The following PPP1R14B variants were observed in gnomAD, a reference collection of about 807,000 sequenced individuals.
PPP1R14B encodes protein phosphatase 1 regulatory inhibitor subunit 14B.
In PPP1R14B, 4 loss-of-function variants were observed where a neutral mutation model predicts 14.7. The observed-to-expected ratio is 0.27, with a 90% confidence interval of 0.13 to 0.62. The LOEUF (loss-of-function observed/expected upper bound fraction) is 0.62, where lower values mean the gene tolerates loss of function less well. Among genes scored for constraint, PPP1R14B ranks in the 20% least tolerant of loss-of-function variants. The pLI is 0.85. For synonymous variants in PPP1R14B, 76 were observed against 87.3 expected, an observed-to-expected ratio of 0.87 and a Z score of 0.72; for missense variants, 138 against 201.5, an observed-to-expected ratio of 0.68 and a Z score of 1.91.
chr11:64,246,900 G>GGCCGCCGCCCGAGCTGCA lies in PPP1R14B; in HGVS notation c.-245_-228dup, dbSNP rs2030903018. 2.0e-5 allele frequency: 3 copies of GGCCGCCGCCCGAGCTGCA among 150,726 alleles called. No homozygotes were observed. Among genetic ancestry groups the GGCCGCCGCCCGAGCTGCA allele is most frequent in the East Asian group, 5.4e-4 (2 of 3,692 alleles). The allele number at this position is 150,726 out of a possible 1,614,324, so 9.3% of individuals were successfully genotyped here. ...GATCCGCCCGCCCTTTGTCCCCCGC[G>GGCCGCCGCCCGAGCTGCA]GCCGCCGCCCGAGCTGCAGCCGCCG... On this transcript the variant is annotated 5_prime_UTR_variant, in exon 1 of 4. Coordinates refer to ENST00000309318, the MANE Select transcript of PPP1R14B (RefSeq NM_138689.3).
At chr11:64,246,357 C>T in intron 1 of PPP1R14B, 59 bp downstream of exon 1, 3 of 1,550,878 alleles carry the variant, frequency 1.9e-6, no homozygotes, top group Non-Finnish European at 2.6e-6. Flanking sequence ...CACAGTGGAG[C>T]TGCCAGGCGG....
chr11:64,246,598 G>C lies in PPP1R14B; in HGVS notation c.76C>G (p.Pro26Ala), dbSNP rs757352214. 3.2e-6 allele frequency: 5 copies of C among 1,539,136 alleles called. No individual in the cohort carries two copies. The African/African-American group carries it at 4.2e-5, about 13-fold the overall frequency. Reference protein sequence around the residue: ...APGPGSGGPGPRVYFQSPPGA... With the variant: ...APGPGSGGPGARVYFQSPPGA... ...GGGGGGCTCTGAAAGTAGACGCGTG[G>C]TCCTGGGCCGCCACTGCCCGGCCCG... The change falls in exon 1 of 4, where the codon CCA (proline) becomes GCA (alanine). Residue 26 changes from proline to alanine, a missense_variant. Pro to Ala is a conservative substitution (Grantham distance 27). Around this residue, in one of 3 missense-constraint regions of PPP1R14B, gnomAD observed 22 missense variants for 45.9 expected, o/e 0.48. Transcript: ENST00000309318.
In PPP1R14B at chr11:64,244,957, C is replaced by T. The variant is rs747008480; in HGVS notation, c.348G>A (p.Leu116=). 1 of 1,611,756 alleles carries T rather than the reference C, an allele frequency of 6.2e-7. No homozygotes were observed. The highest frequency in any genetic ancestry group is 8.5e-7 in the Non-Finnish European group (1 of 1,178,424). ...DDARAARVKE[L]LVDCYKPTEA... ...CTGTGGGTTTGTAACAGTCAACCAG[C>T]AGCTCCTAGCAGAGGATGGGGGAGG... Residue 116 remains leucine, a synonymous_variant, in exon 3 of 4, where the codon CTG becomes CTA. Transcript: ENST00000309318.
intron 1 of PPP1R14B, 92 bp from the exon 2 acceptor site, chr11:64,245,379 C>T (rs1274728538): frequency 9.6e-6 from 10 of 1,036,410 alleles, no homozygotes; most frequent in South Asian, 2.9e-5. Flanking sequence ...CTGCCTACCT[C>T]GGAGGAACCC....
At chr11:64,246,175 C>G in intron 1 of PPP1R14B, 4 of 565,810 alleles carry the variant, frequency 7.1e-6, no homozygotes, top group South Asian at 6.5e-5. Context: ...GTCTGGAGGA[C>G]ACTAGGCTTG....
In PPP1R14B at chr11:64,246,647, G is replaced by GC; in HGVS notation, c.26dup (p.Ala10ArgfsTer38). ...CGGGGGCCGGGGCCGCCAACGCCGC[G>GC]CCCCCCGCGGTGCCGCTGTCCGCCA... On this transcript the variant is annotated frameshift_variant, in exon 1 of 4. Coordinates refer to ENST00000309318, the MANE Select transcript of PPP1R14B (RefSeq NM_138689.3). LOFTEE classifies it high-confidence loss of function. The GC allele has an allele frequency of 2.4e-6, 3 of 1,242,028 alleles. No individual in the cohort carries two copies. The highest frequency in any genetic ancestry group is 2.0e-6 in the Non-Finnish European group (2 of 987,814). 76.9% of individuals were successfully genotyped at this position (1,242,028 alleles called of 1,614,324 possible).
intron 1 of PPP1R14B, 191 bp from the exon 2 acceptor site, chr11:64,245,478 G>GGGGT (rs2030841790): frequency 8.2e-4 from 1 of 1,218 alleles, no homozygotes; most frequent in Non-Finnish European, 0.045. Context: ...AAAGCGGGGT[G>GGGGT]GGGGGGGGAG....
rs1163571556 is a variant in PPP1R14B, at chr11:64,244,545, A to C, written c.*209T>G. On this transcript the variant is annotated 3_prime_UTR_variant, in exon 4 of 4. Coordinates refer to ENST00000309318, the MANE Select transcript of PPP1R14B (RefSeq NM_138689.3). ...CGCGCCGCAGAGTCAATATAAAAAC[A>C]CAAAAAGTCCCATCAGTTTAATAAC... 7 of 1,327,708 alleles carry C rather than the reference A, an allele frequency of 5.3e-6. No individual in the cohort carries two copies. The East Asian group carries it at 1.5e-4, about 29-fold the overall frequency. The allele number at this position is 1,327,708 out of a possible 1,614,324, so 82.2% of individuals were successfully genotyped here.
rs2030829982 is a variant in PPP1R14B at position 64,245,267 on chromosome 11, C to G, written c.279G>C (p.Leu93=). The stretch of plus-strand genomic sequence containing the variant: ...CCAGGAGCTCATCCACGTCAATCTC[C>G]AGTTCTGGGATCTCCTCTTCCTGGG... ...YDCQEEEIPE[L]EIDVDELLDM... Residue 93 remains leucine (L), a synonymous_variant, in exon 2 of 4, where the codon CTG becomes CTC. Transcript: ENST00000309318. 6.2e-7 allele frequency: 1 copy of G among 1,610,124 alleles called. No homozygotes were observed. Among genetic ancestry groups the G allele is most frequent in the African/African-American group, 1.3e-5 (1 of 74,654 alleles).
In PPP1R14B at chr11:64,245,187, C is replaced by T. The variant is rs375259860; in HGVS notation, c.342+17G>A. ...GGGCAGTGCCTCAGGCAACCCATCG[C>T]CCCCCAGCCCCCTCACCTTGACCCT... On this transcript the variant is annotated intron_variant, in intron 2 of 3. Coordinates refer to ENST00000309318, the MANE Select transcript of PPP1R14B (RefSeq NM_138689.3). The T allele has an allele frequency of 1.9e-6, 3 of 1,610,190 alleles. No homozygotes were observed. Among genetic ancestry groups the T allele is most frequent in the Non-Finnish European group, 2.5e-6 (3 of 1,177,760 alleles).
chr11:64,246,749 C>G lies in PPP1R14B; in HGVS notation c.-76G>C. On this transcript the variant is annotated 5_prime_UTR_variant, in exon 1 of 4. Transcript: ENST00000309318. ...CCTCCGGGACGCCCGCCGGCTGGCTCGGGTTAGCTCGCCGGCTCCGCTCCG... is the reference window on the plus strand; with the variant it reads ...CCTCCGGGACGCCCGCCGGCTGGCTGGGGTTAGCTCGCCGGCTCCGCTCCG... 1.0e-6 allele frequency: 1 copy of G among 985,262 alleles called. No homozygotes were observed. Among genetic ancestry groups the G allele is most frequent in the Non-Finnish European group, 1.2e-6 (1 of 830,560 alleles). 61.0% of individuals were successfully genotyped at this position (985,262 alleles called of 1,614,324 possible).
At position 64,246,234 on chromosome 11, in the gene PPP1R14B, G is replaced by A. The variant is rs1396585288; in HGVS notation, c.258+182C>T. On this transcript the variant is annotated intron_variant, in intron 1 of 3. Transcript: ENST00000309318. ...GGCAGGGTCCGAGGCAACGGAGAAG[G>A]CAGAAGTGACTTAGGTCAGGCAAGA... 13 of 797,616 alleles carry A rather than the reference G, an allele frequency of 1.6e-5. 1 individual carries two copies. The South Asian group carries it at 2.2e-4, about 14-fold the overall frequency. 49.4% of individuals were successfully genotyped at this position (797,616 alleles called of 1,614,324 possible).
Position 64,244,736 on chromosome 11 carries a change from C to T in PPP1R14B, c.*18G>A. 4 of 1,611,994 alleles carry T rather than the reference C, an allele frequency of 2.5e-6. No homozygotes were observed. The East Asian group carries it at 8.9e-5, about 36-fold the overall frequency. ...CGATTGTCCTGTGGGAGCCACCGTT[C>T]TCCTGGGTCGGGGACCGTCACTTCT... On this transcript the variant is annotated 3_prime_UTR_variant, in exon 4 of 4. Coordinates refer to ENST00000309318, the MANE Select transcript of PPP1R14B (RefSeq NM_138689.3).
At chr11:64,246,317 G>A (rs889541906) in intron 1 of PPP1R14B, 99 bp downstream of exon 1, 1 of 1,486,134 alleles carries the variant, frequency 6.7e-7, no homozygotes, top group Non-Finnish European at 9.1e-7. Flanking sequence ...GGGAAGCAAA[G>A]CGCCCTTTGA....
chr11:64,244,522 C>T lies in PPP1R14B; in HGVS notation c.*232G>A, dbSNP rs3193834. On this transcript the variant is annotated 3_prime_UTR_variant, in exon 4 of 4. Transcript: ENST00000309318. ...TATCCTAGCTTTATTAAAGGGCCCG[C>T]GCCGCAGAGTCAATATAAAAACACA... 1.4e-4 allele frequency: 182 copies of T among 1,256,846 alleles called. 1 individual carries two copies. The highest frequency in any genetic ancestry group is 8.6e-4 in the Middle Eastern group (3 of 3,498). 77.9% of individuals were successfully genotyped at this position (1,256,846 alleles called of 1,614,324 possible).
At chr11:64,245,397 T>G (rs962085779) in intron 1 of PPP1R14B, 110 bp from the exon 2 acceptor site, 4 of 838,256 alleles carry the variant, frequency 4.8e-6, no homozygotes, top group East Asian at 2.8e-5. Context: ...CCCAGCCCTC[T>G]GCCCAGCAGA....
intron 2 of PPP1R14B, 67 bp from the exon 3 acceptor site, chr11:64,245,029 C>G: frequency 6.6e-7 from 1 of 1,518,796 alleles, no homozygotes; most frequent in Non-Finnish European, 9.0e-7. Context: ...CTCGCCTATA[C>G]CCACTTCCAA....
intron 1 of PPP1R14B, chr11:64,245,746 G>A (rs2030853903): frequency 6.1e-6 from 1 of 164,772 alleles, no homozygotes; most frequent in African/African-American, 2.4e-5. Flanking sequence ...TGGCAAAGAG[G>A]AAACAAAGAG....
At position 64,245,467 on chromosome 11, in the gene PPP1R14B, CA is replaced by C; in HGVS notation, c.259-181del. 8.5e-6 allele frequency: 3 copies of C among 354,088 alleles called. No individual in the cohort carries two copies. In the South Asian group the frequency reaches 1.1e-4, roughly 14 times the overall value. 21.9% of individuals were successfully genotyped at this position (354,088 alleles called of 1,614,324 possible). ...CAGGCCCGTGCCAAGGCAAACTGCC[CA>C]AAGCGGGGTGGGGGGGGGAGCTTCC... is the stretch of plus-strand genomic sequence containing the variant. On this transcript the variant is annotated intron_variant, in intron 1 of 3. Coordinates refer to ENST00000309318, the MANE Select transcript of PPP1R14B (RefSeq NM_138689.3).
Sources: allele counts gnomAD v4.1 joint callset, GRCh38; gene constraint gnomAD v4.1.1; regional missense constraint gnomAD v4.1.1; transcripts MANE v1.5; gene names NCBI Gene and HGNC (gene_info 2026-07-23, HGNC 2026-07-21).